HAO1: variants seen among roughly 807,000 people sequenced by gnomAD.
HAO1 encodes 2-Hydroxyacid oxidase 1.
Under a neutral mutation model 39.7 loss-of-function variants are expected in HAO1, and 34 were observed. The observed-to-expected ratio is 0.86, with a 90% CI of 0.65 to 1.14. HAO1 has a LOEUF of 1.14. Among genes scored for constraint, HAO1 ranks in the 50% most tolerant of loss-of-function variants. The pLI, the probability that HAO1 is intolerant of heterozygous loss-of-function variation, is 0.00. For missense variants in HAO1, 479 were observed against 464.5 expected (o/e 1.03, Z -0.29); for synonymous variants, 172 against 173.2 (o/e 0.99, Z 0.05).
At chr20:7,889,648 CAGTA>C (rs2050165041) in intron 5 of HAO1, among the ~76,000 whole-genome samples, 1 of 152,142 alleles carries the variant, frequency 6.6e-6, no homozygotes. Context: ...CTCCTAGTGA[CAGTA>C]AGTATTTCTC....
intron 3 of HAO1, among the ~76,000 whole-genome samples, chr20:7,911,818 C>A (rs776331726): frequency 1.3e-5 from 2 of 152,230 alleles, no homozygotes; most frequent in Non-Finnish European, 2.9e-5. Context: ...CCAGGCTTCA[C>A]TTTCTATGAG....
chr20:7,887,970 T>C (rs76401429), intron 5 of HAO1, among the ~76,000 whole-genome samples: 5,328 of 152,210 alleles, frequency 0.035, 358 homozygotes, highest in African/African-American at 0.12. Context: ...ATTAGATAAA[T>C]AAATACAGTA....
At chr20:7,908,728 T>C (rs1482744863) in intron 3 of HAO1, among the ~76,000 whole-genome samples, 3 of 152,186 alleles carry the variant, frequency 2.0e-5, no homozygotes, top group African/African-American at 7.2e-5. Flanking sequence ...CATTGGGCTT[T>C]GGTGGGGATT....
rs926214567 is a variant in HAO1 at position 7,908,109 on chromosome 20, G to T, written c.546-1780C>A. Among the ~76,000 whole-genome samples the T allele has an allele frequency of 2.6e-5, 4 of 152,096 alleles. No individual in the cohort carries two copies. In the East Asian group the frequency reaches 5.8e-4, roughly 22 times the overall value. Reference sequence around the variant, plus strand: ...GAGCCATATAAAAATTTATATATCGGCTGGGCGCAATGGCTCATGCCTGTA... The same window carrying T: ...GAGCCATATAAAAATTTATATATCGTCTGGGCGCAATGGCTCATGCCTGTA... On this transcript the variant is annotated intron_variant, in intron 3 of 7. Coordinates refer to ENST00000378789, the MANE Select transcript of HAO1 (RefSeq NM_017545.3).
At chr20:7,927,778 A>G (rs938809249) in intron 2 of HAO1, among the ~76,000 whole-genome samples, 2 of 152,242 alleles carry the variant, frequency 1.3e-5, no homozygotes, top group Non-Finnish European at 2.9e-5. Context: ...AGATGATAGC[A>G]TAGTGCTTGC....
chr20:7,924,785 G>A (rs949436547), intron 2 of HAO1, among the ~76,000 whole-genome samples: 1 of 152,144 alleles, frequency 6.6e-6, no homozygotes, highest in Non-Finnish European at 1.5e-5. Context: ...TGTTCAAAGG[G>A]CCTAAAGTGT....
chr20:7,935,280 A>T (rs7260781), intron 1 of HAO1, among the ~76,000 whole-genome samples: 1 of 152,084 alleles, frequency 6.6e-6, no homozygotes, highest in African/African-American at 2.4e-5. Context: ...TTGAATACTT[A>T]CAGTTTGGGG....
At chr20:7,895,030 G>A (rs1411538845) in intron 5 of HAO1, 103 bp downstream of exon 5, 2 of 773,056 alleles carry the variant, frequency 2.6e-6, no homozygotes, top group Non-Finnish European at 4.5e-6. Flanking sequence ...CACCTTGAGT[G>A]ATTACACAAA....
chr20:7,896,936 T>A (rs1334151501), intron 4 of HAO1, among the ~76,000 whole-genome samples: 5 of 152,206 alleles, frequency 3.3e-5, no homozygotes, highest in African/African-American at 1.2e-4. Context: ...CTGTCTGAGT[T>A]GAATATCTTG....
intron 3 of HAO1, among the ~76,000 whole-genome samples, chr20:7,906,787 C>T (rs2050250497): frequency 6.6e-6 from 1 of 152,162 alleles, no homozygotes; most frequent in Non-Finnish European, 1.5e-5. Context: ...TAGAAAGTAA[C>T]ATTGATACTC....
At chr20:7,929,402 G>A (rs2050376138) in intron 2 of HAO1, among the ~76,000 whole-genome samples, 1 of 151,924 alleles carries the variant, frequency 6.6e-6, no homozygotes, top group East Asian at 1.9e-4. Context: ...ATTCATCCAG[G>A]GTTGCCAGAT....
intron 2 of HAO1, among the ~76,000 whole-genome samples, chr20:7,924,972 C>T (rs1005879593): frequency 3.3e-5 from 5 of 152,140 alleles, no homozygotes. Context: ...GTTCTAAACT[C>T]AGGGCCTGTC....
chr20:7,891,214 T>C (rs1352081956), intron 5 of HAO1, among the ~76,000 whole-genome samples: 1 of 152,192 alleles, frequency 6.6e-6, no homozygotes, highest in Non-Finnish European at 1.5e-5. Context: ...CTACTGTTTT[T>C]TGATTCTTGG....
At chr20:7,914,461 T>C (rs775214196) in intron 2 of HAO1, 42 bp from the exon 3 acceptor site, 23 of 1,601,934 alleles carry the variant, frequency 1.4e-5, no homozygotes, top group Non-Finnish European at 1.9e-5. Context: ...CTGGCATTGC[T>C]TACCCTCCCA....
At chr20:7,923,837 G>A (rs777004890) in intron 2 of HAO1, among the ~76,000 whole-genome samples, 1 of 152,132 alleles carries the variant, frequency 6.6e-6, no homozygotes, top group Non-Finnish European at 1.5e-5. Context: ...ACCATACTTT[G>A]AGAACCATGA....
At chr20:7,906,446 A>G in intron 3 of HAO1, 117 bp from the exon 4 acceptor site, 1 of 645,528 alleles carries the variant, frequency 1.5e-6, no homozygotes, top group Non-Finnish European at 2.7e-6. Flanking sequence ...CTGCTCATTT[A>G]TCTATAAGTC....
At chr20:7,912,778 G>C (rs904915821) in intron 3 of HAO1, among the ~76,000 whole-genome samples, 2 of 152,170 alleles carry the variant, frequency 1.3e-5, no homozygotes, top group African/African-American at 4.8e-5. Flanking sequence ...TTATTGGCCA[G>C]TTTGGCAGGG....
intron 3 of HAO1, among the ~76,000 whole-genome samples, chr20:7,908,343 C>T (rs958665202): frequency 6.6e-6 from 1 of 151,168 alleles, no homozygotes; most frequent in African/African-American, 2.4e-5. Context: ...GTGAGCAACT[C>T]CAGCCACTGC....
chr20:7,914,249 C>A lies in HAO1; in HGVS notation c.460G>T (p.Ala154Ser). The A allele has an allele frequency of 6.2e-7, 1 of 1,613,972 alleles. No homozygotes were observed. The highest frequency in any genetic ancestry group is 8.5e-7 in the Non-Finnish European group (1 of 1,179,930). The change falls in exon 3 of 8, where the codon GCC (alanine) becomes TCC (serine). Residue 154 changes from alanine to serine, a missense_variant. Ala to Ser is a moderately conservative substitution (Grantham distance 99, BLOSUM62 1). Coordinates refer to ENST00000378789, the MANE Select transcript of HAO1 (RefSeq NM_017545.3). Reference protein sequence around the residue: ...VRQAEKMGYKAIFVTVDTPYL... With the variant: ...VRQAEKMGYKSIFVTVDTPYL... ...GGTGTGTCCACTGTCACAAATATGG[C>A]CTTGTAGCCCATCTTCTCTGCCTGC...
Sources: allele counts gnomAD v4.1 joint callset (sites outside exome capture counted in the v4.1 genomes callset), GRCh38; gene constraint gnomAD v4.1.1; transcripts MANE v1.5; gene names NCBI Gene and HGNC (gene_info 2026-07-23, HGNC 2026-07-21).